EEFSEC: variants seen among roughly 807,000 people sequenced by gnomAD.
The protein encoded by EEFSEC is eukaryotic elongation factor, selenocysteine-tRNA specific.
EEFSEC carries 43 observed loss-of-function variants against 42.1 expected under a neutral mutation model. The observed-to-expected ratio is 1.02, with a 90% CI of 0.80 to 1.32. EEFSEC has a LOEUF of 1.32. EEFSEC is among the 40% of genes most tolerant of loss of function. The pLI, the probability that EEFSEC is intolerant of heterozygous loss-of-function variation, is 0.00. For missense variants in EEFSEC, 745 were observed against 803.6 expected (o/e 0.93, Z 0.88); for synonymous variants, 354 against 339.1 (o/e 1.04, Z -0.48).
intron 5 of EEFSEC, among the ~76,000 whole-genome samples, chr3:128,351,732 A>C (rs1389839091): frequency 6.6e-6 from 1 of 152,230 alleles, no homozygotes; most frequent in Non-Finnish European, 1.5e-5. Flanking sequence ...GGCCAGGGAC[A>C]ATGGGGACCC....
At chr3:128,387,061 G>A (rs1002915010) in intron 6 of EEFSEC, among the ~76,000 whole-genome samples, 2 of 152,254 alleles carry the variant, frequency 1.3e-5, no homozygotes, top group African/African-American at 4.8e-5. Context: ...CAGGTGAGGA[G>A]GATGGACAAC....
chr3:128,362,689 C>T (rs1475766749), intron 6 of EEFSEC, among the ~76,000 whole-genome samples: 1 of 152,236 alleles, frequency 6.6e-6, no homozygotes, highest in Admixed American at 6.5e-5. Flanking sequence ...GTCACTGATT[C>T]TCACCAGGTA....
chr3:128,374,038 C>G (rs566400907), intron 6 of EEFSEC, among the ~76,000 whole-genome samples: 96 of 152,306 alleles, frequency 6.3e-4, no homozygotes, highest in African/African-American at 2.2e-3. Flanking sequence ...GGACCAGCCC[C>G]GCTGCCTCCC....
rs1278287286 is a variant in EEFSEC at position 128,250,901 on chromosome 3, G to GT, written c.524+3866dup. Among the ~76,000 whole-genome samples the GT allele has an allele frequency of 7.6e-4, 33 of 43,272 alleles. No homozygotes were observed. The South Asian group carries it at 8.7e-3, about 11-fold the overall frequency. 28.4% of individuals were successfully genotyped at this position (43,272 alleles called of 152,430 possible). A position where few individuals can be genotyped will look rare whatever the true frequency, so the allele number is the denominator to read the frequency against. On this transcript the variant is annotated intron_variant, in intron 2 of 6. Transcript: ENST00000254730. ...TATGTTTTTGTTTAAGTCATCTTTAGTTTTTTTTGGTTTTTTTTTTTTTTT... is the reference window on the plus strand; with the variant it reads ...TATGTTTTTGTTTAAGTCATCTTTAGTTTTTTTTTGGTTTTTTTTTTTTTTT...
At chr3:128,215,716 C>T (rs2065804181) in intron 1 of EEFSEC, among the ~76,000 whole-genome samples, 1 of 152,116 alleles carries the variant, frequency 6.6e-6, no homozygotes, top group African/African-American at 2.4e-5. Context: ...GATCCAGGGC[C>T]TCAAATAATG....
At position 128,261,646 on chromosome 3, in the gene EEFSEC, C is replaced by T. The variant is rs557077860; in HGVS notation, c.525-482C>T. Among the ~76,000 whole-genome samples the T allele has an allele frequency of 5.7e-5, 8 of 141,388 alleles. No individual in the cohort carries two copies. The South Asian group carries it at 1.1e-3, about 20-fold the overall frequency. 92.8% of individuals were successfully genotyped at this position (141,388 alleles called of 152,430 possible). On this transcript the variant is annotated intron_variant, in intron 2 of 6. Transcript: ENST00000254730. ...GAATAAGTATGTCTTCTTAAAGATGCGGGGGCTTTGCTAGTAGAGTTTAGG... is the reference window on the plus strand; with the variant it reads ...GAATAAGTATGTCTTCTTAAAGATGTGGGGGCTTTGCTAGTAGAGTTTAGG...
At chr3:128,365,159 G>A (rs1341995958) in intron 6 of EEFSEC, among the ~76,000 whole-genome samples, 1 of 152,224 alleles carries the variant, frequency 6.6e-6, no homozygotes, top group African/African-American at 2.4e-5. Flanking sequence ...AATTTATTGG[G>A]CCCTCCGTGT....
At chr3:128,198,151 G>T (rs538226502) in intron 1 of EEFSEC, among the ~76,000 whole-genome samples, 1 of 152,304 alleles carries the variant, frequency 6.6e-6, no homozygotes, top group Admixed American at 6.5e-5. Flanking sequence ...GCAAGGGGGG[G>T]ATGAAAGGGA....
chr3:128,309,197 G>A (rs112996377), intron 4 of EEFSEC, among the ~76,000 whole-genome samples: 6 of 152,308 alleles, frequency 3.9e-5, no homozygotes, highest in African/African-American at 1.4e-4. Context: ...GAATTCCGGT[G>A]GGTGGCTGTG....
intron 4 of EEFSEC, among the ~76,000 whole-genome samples, chr3:128,318,305 G>A (rs919708100): frequency 1.3e-5 from 2 of 152,256 alleles, no homozygotes; most frequent in Non-Finnish European, 2.9e-5. Context: ...CTCATAGACT[G>A]TGTTCCAGCT....
At chr3:128,212,784 A>C (rs2065771994) in intron 1 of EEFSEC, among the ~76,000 whole-genome samples, 1 of 152,190 alleles carries the variant, frequency 6.6e-6, no homozygotes, top group Non-Finnish European at 1.5e-5. Flanking sequence ...GGGCTTGGAC[A>C]GTGAGCCAAA....
intron 6 of EEFSEC, among the ~76,000 whole-genome samples, chr3:128,384,572 G>A (rs563781937): frequency 6.6e-6 from 1 of 152,306 alleles, no homozygotes; most frequent in East Asian, 1.9e-4. Flanking sequence ...CCACATGCAC[G>A]CATGCACAAG....
intron 1 of EEFSEC, among the ~76,000 whole-genome samples, chr3:128,241,986 C>T (rs2066076237): frequency 6.6e-6 from 1 of 152,186 alleles, no homozygotes; most frequent in Non-Finnish European, 1.5e-5. Context: ...AATGTATTTA[C>T]ATTGTTCAAT....
intron 5 of EEFSEC, among the ~76,000 whole-genome samples, chr3:128,349,480 T>C (rs1474502586): frequency 2.6e-5 from 4 of 152,168 alleles, no homozygotes; most frequent in Admixed American, 2.0e-4. Flanking sequence ...ATCATGACTT[T>C]TCAGGACTGT....
intron 1 of EEFSEC, among the ~76,000 whole-genome samples, chr3:128,163,106 C>T (rs745374608): frequency 2.0e-5 from 3 of 152,122 alleles, no homozygotes; most frequent in Admixed American, 6.5e-5. Flanking sequence ...ATGAGATACT[C>T]TTACCTTAAG....
chr3:128,183,674 C>G (rs908495406), intron 1 of EEFSEC, among the ~76,000 whole-genome samples: 1 of 152,184 alleles, frequency 6.6e-6, no homozygotes, highest in Non-Finnish European at 1.5e-5. Context: ...CCGATGCGTG[C>G]AGGGCACCCT....
chr3:128,212,188 C>T (rs754341537), intron 1 of EEFSEC, among the ~76,000 whole-genome samples: 13 of 152,198 alleles, frequency 8.5e-5, no homozygotes, highest in Non-Finnish European at 1.9e-4. Context: ...TTAACACTCA[C>T]AGAATGTTGG....
chr3:128,315,483 G>A lies in EEFSEC; in HGVS notation c.787-25750G>A, dbSNP rs755172633. On this transcript the variant is annotated intron_variant, in intron 4 of 6. Coordinates refer to ENST00000254730, the MANE Select transcript of EEFSEC (RefSeq NM_021937.5). ...GTAAGGCCCTTGCTCAAGGCCACAC[G>A]GCCAATAAGATGTATTGAGCAGAGC... 2.6e-4 allele frequency among the ~76,000 whole-genome samples: 39 copies of A among 152,254 alleles called. 1 individual carries two copies. The highest frequency in any genetic ancestry group is 5.9e-5 in the Non-Finnish European group (4 of 68,014).
At chr3:128,247,213 C>T (rs891216405) in intron 2 of EEFSEC, among the ~76,000 whole-genome samples, 170 bp downstream of exon 2, 6 of 152,268 alleles carry the variant, frequency 3.9e-5, no homozygotes, top group African/African-American at 7.2e-5. Context: ...GAGGTAAAGG[C>T]TAACGTGTTT....
Sources: gnomAD v4.1 joint callset for allele counts (sites outside exome capture counted in the v4.1 genomes callset) on GRCh38, gnomAD v4.1.1 for gene constraint, MANE v1.5 for transcripts, NCBI Gene and HGNC (gene_info 2026-07-23, HGNC 2026-07-21) for gene names.